The following GRIN2A variants were observed in gnomAD, a reference collection of about 807,000 sequenced individuals.
GRIN2A encodes the protein glutamate receptor ionotropic, NMDA 2A.
In GRIN2A, 22 loss-of-function variants were observed where a neutral mutation model predicts 113.4. The ratio of observed to expected loss-of-function variants is 0.19; its 90% CI spans 0.14 to 0.28. The LOEUF (loss-of-function observed/expected upper bound fraction) is 0.28, where lower values mean the gene tolerates loss of function less well. Among genes scored for constraint, GRIN2A ranks in the 10% least tolerant of loss-of-function variants. The pLI, the probability that GRIN2A is intolerant of heterozygous loss-of-function variation, is 1.00. For missense variants in GRIN2A, 1,502 were observed against 1,887.0 expected, an observed-to-expected ratio of 0.80 and a Z score of 3.78; for synonymous variants, 827 against 738.4, an observed-to-expected ratio of 1.12 and a Z score of -1.94.
intron 2 of GRIN2A, among the ~76,000 whole-genome samples, chr16:10,090,639 C>T (rs939653240): frequency 4.0e-5 from 6 of 151,520 alleles, no homozygotes; most frequent in Admixed American, 1.3e-4. Context: ...AGCTCTTAGA[C>T]ACAAAACCAT....
At chr16:10,157,851 A>T (rs1257663380) in intron 2 of GRIN2A, among the ~76,000 whole-genome samples, 1 of 152,138 alleles carries the variant, frequency 6.6e-6, no homozygotes, top group East Asian at 1.9e-4. Flanking sequence ...TTACTACTGT[A>T]ATCTTTATTT....
chr16:9,953,943 C>T (rs1464604201), intron 2 of GRIN2A, among the ~76,000 whole-genome samples: 2 of 152,024 alleles, frequency 1.3e-5, no homozygotes, highest in Non-Finnish European at 2.9e-5. Flanking sequence ...TTCCAACTGC[C>T]CCATGCTTCT....
intron 2 of GRIN2A, among the ~76,000 whole-genome samples, chr16:10,012,399 A>G (rs1375940470): frequency 1.3e-5 from 2 of 152,242 alleles, no homozygotes; most frequent in African/African-American, 4.8e-5. Context: ...ATTTCTAATT[A>G]TAGGATAACC....
rs983911999 is a variant in GRIN2A, at chr16:9,756,323, C to A, written c.*6826G>T. 1 of 229,734 alleles carries A rather than the reference C, an allele frequency of 4.4e-6. No individual in the cohort carries two copies. The highest frequency in any genetic ancestry group is 8.6e-6 in the Non-Finnish European group (1 of 115,886). 14.2% of individuals were successfully genotyped at this position (229,734 alleles called of 1,614,324 possible). A position where few individuals can be genotyped will look rare whatever the true frequency, so the allele number is the denominator to read the frequency against. On this transcript the variant is annotated 3_prime_UTR_variant, in exon 13 of 13. Coordinates refer to ENST00000330684, the MANE Select transcript of GRIN2A (RefSeq NM_001134407.3). The stretch of plus-strand genomic sequence containing the variant: ...TAAGTGCAAGCATATGAAAGGGAGA[C>A]ACAAACAGTGTTCAAGTCTCAGAAG...
intron 2 of GRIN2A, among the ~76,000 whole-genome samples, chr16:10,068,428 G>A (rs989341321): frequency 1.3e-5 from 2 of 152,226 alleles, no homozygotes; most frequent in African/African-American, 2.4e-5. Context: ...GGTGAAGGGG[G>A]AGCAGGCACA....
chr16:9,812,794 G>A (rs566009296), intron 10 of GRIN2A, among the ~76,000 whole-genome samples: 7 of 152,280 alleles, frequency 4.6e-5, no homozygotes, highest in East Asian at 1.9e-4. Flanking sequence ...TTACACATAC[G>A]GATAAAGCAA....
chr16:10,083,959 C>T (rs1478857060), intron 2 of GRIN2A, among the ~76,000 whole-genome samples: 1 of 152,058 alleles, frequency 6.6e-6, no homozygotes, highest in Non-Finnish European at 1.5e-5. Flanking sequence ...AAATATGAGC[C>T]AGGCATGGGG....
chr16:9,772,922 C>A (rs1255784880), intron 11 of GRIN2A, among the ~76,000 whole-genome samples: 166 of 104,844 alleles, frequency 1.6e-3, no homozygotes, highest in Admixed American at 2.4e-3. Flanking sequence ...ACTTCAATTT[C>A]AAAAAAAAAA....
chr16:10,110,886 C>A (rs184980958), intron 2 of GRIN2A, among the ~76,000 whole-genome samples: 58 of 152,302 alleles, frequency 3.8e-4, no homozygotes, highest in Non-Finnish European at 7.5e-4. Flanking sequence ...ATACAAACAT[C>A]CACATTTGAC....
At chr16:10,094,145 T>C (rs1362075542) in intron 2 of GRIN2A, among the ~76,000 whole-genome samples, 1 of 152,164 alleles carries the variant, frequency 6.6e-6, no homozygotes, top group Non-Finnish European at 1.5e-5. Flanking sequence ...ACAGAGGAGA[T>C]ACCAATAAGG....
chr16:9,776,143 A>G (rs1026592472), intron 11 of GRIN2A, among the ~76,000 whole-genome samples: 2 of 152,192 alleles, frequency 1.3e-5, no homozygotes, highest in Non-Finnish European at 2.9e-5. Flanking sequence ...TACCAGCTGC[A>G]TGGTATTTGT....
chr16:9,950,357 T>A (rs937242754), intron 2 of GRIN2A, among the ~76,000 whole-genome samples: 1 of 152,016 alleles, frequency 6.6e-6, no homozygotes, highest in South Asian at 2.1e-4. Flanking sequence ...AGAGGATCCC[T>A]AGGGAGCCCT....
At chr16:10,055,844 G>A (rs770229424) in intron 2 of GRIN2A, among the ~76,000 whole-genome samples, 3 of 152,338 alleles carry the variant, frequency 2.0e-5, no homozygotes, top group African/African-American at 4.8e-5. Flanking sequence ...GGTTTAAAAT[G>A]TTAAATAAAT....
intron 2 of GRIN2A, among the ~76,000 whole-genome samples, chr16:10,151,843 C>A (rs7197407): frequency 5.5e-4 from 84 of 152,274 alleles, no homozygotes; most frequent in African/African-American, 1.9e-3. Context: ...TCTGAGTCAC[C>A]AAAACAGCCC....
chr16:9,974,960 G>C (rs75885358), intron 2 of GRIN2A, among the ~76,000 whole-genome samples: 2,861 of 152,272 alleles, frequency 0.019, 47 homozygotes, highest in Non-Finnish European at 0.027. Flanking sequence ...ACTGAGTATG[G>C]TGTTTGTTGT....
intron 2 of GRIN2A, among the ~76,000 whole-genome samples, chr16:9,953,830 A>G (rs577773407): frequency 1.2e-3 from 184 of 152,232 alleles, no homozygotes; most frequent in African/African-American, 4.1e-3. Context: ...TTCACCTGGG[A>G]CTTTAAGGCA....
chr16:9,994,936 G>C (rs953097653), intron 2 of GRIN2A, among the ~76,000 whole-genome samples: 8 of 152,268 alleles, frequency 5.3e-5, no homozygotes, highest in Middle Eastern at 3.4e-3. Flanking sequence ...GCAAATAAAT[G>C]CAAGCTAAGG....
At chr16:9,999,577 C>T (rs4107018) in intron 2 of GRIN2A, among the ~76,000 whole-genome samples, 220 of 152,166 alleles carry the variant, frequency 1.4e-3, no homozygotes, top group South Asian at 5.6e-3. Context: ...GAACATCACA[C>T]ACTGGGCCTG....
intron 3 of GRIN2A, among the ~76,000 whole-genome samples, chr16:9,896,809 G>A (rs1160398113): frequency 6.6e-6 from 1 of 152,076 alleles, no homozygotes; most frequent in African/African-American, 2.4e-5. Context: ...ATATTTCCAT[G>A]GGCTTTCTTC....
Sources: gnomAD v4.1 joint callset for allele counts (sites outside exome capture counted in the v4.1 genomes callset) on GRCh38, gnomAD v4.1.1 for gene constraint, MANE v1.5 for transcripts, NCBI Gene and HGNC (gene_info 2026-07-23, HGNC 2026-07-21) for gene names.